The following NPHP4 variants were observed in gnomAD, a reference collection of about 807,000 sequenced individuals.
NPHP4 encodes nephrocystin-4.
Under a neutral mutation model 155.8 loss-of-function variants are expected in NPHP4, and 151 were observed. The ratio of observed to expected loss-of-function variants is 0.97; its 90% CI spans 0.85 to 1.11. The LOEUF (loss-of-function observed/expected upper bound fraction) is 1.11. Ranked by LOEUF, NPHP4 falls within the 50% of genes least tolerant of loss-of-function variation. The probability of loss-of-function intolerance (pLI) is 0.00; values close to 1 mark genes in which losing one functional copy is unlikely to be tolerated. For synonymous variants in NPHP4, 845 were observed against 816.8 expected (o/e 1.03, Z -0.59); for missense variants, 1,956 against 1,925.7 (o/e 1.02, Z -0.29).
At position 5,925,295 on chromosome 1, in the gene NPHP4, T is replaced by C. The variant is rs149784548; in HGVS notation, c.1441+2354A>G. Among the ~76,000 whole-genome samples, 869 of 152,320 alleles carry C rather than the reference T, an allele frequency of 5.7e-3. 10 individuals carry two copies. The highest frequency in any genetic ancestry group is 0.019 in the African/African-American group (773 of 41,576). The stretch of plus-strand genomic sequence containing the variant: ...GATTTACATAGCATTTGCACTGTAT[T>C]AGGTATTGTAAGTAGCCTAAAGATG... On this transcript the variant is annotated intron_variant, in intron 11 of 29. Transcript: ENST00000378156.
At chr1:5,974,552 C>T (rs1653178008) in intron 3 of NPHP4, among the ~76,000 whole-genome samples, 1 of 152,114 alleles carries the variant, frequency 6.6e-6, no homozygotes, top group Non-Finnish European at 1.5e-5. Flanking sequence ...TTCGCTGGCT[C>T]AGAGGAAGTG....
chr1:5,932,434 G>A (rs1301908857), intron 10 of NPHP4, among the ~76,000 whole-genome samples: 1 of 151,980 alleles, frequency 6.6e-6, no homozygotes, highest in East Asian at 1.9e-4. Flanking sequence ...CACTGCAGCC[G>A]AGCAGAAACT....
intron 16 of NPHP4, among the ~76,000 whole-genome samples, chr1:5,897,371 G>A (rs971978283): frequency 3.0e-4 from 45 of 152,282 alleles, no homozygotes; most frequent in Middle Eastern, 3.4e-3. Context: ...AAACCTGGGG[G>A]TGGGCACCTT....
intron 9 of NPHP4, among the ~76,000 whole-genome samples, chr1:5,939,311 C>G (rs1266592655): frequency 6.6e-5 from 10 of 152,190 alleles, no homozygotes; most frequent in Non-Finnish European, 8.8e-5. Context: ...AGCCTTGGTC[C>G]TCTGCAAAAC....
intron 1 of NPHP4, among the ~76,000 whole-genome samples, chr1:5,986,532 G>A (rs1334389488): frequency 6.6e-6 from 1 of 152,056 alleles, no homozygotes; most frequent in Non-Finnish European, 1.5e-5. Context: ...TTTCAAAAAG[G>A]AAAAATAAAC....
At chr1:5,924,934 G>A (rs975958226) in intron 11 of NPHP4, among the ~76,000 whole-genome samples, 38 of 152,170 alleles carry the variant, frequency 2.5e-4, no homozygotes, top group Non-Finnish European at 2.9e-5. Context: ...AGGATTACAT[G>A]CATGAGCCAC....
In NPHP4 at chr1:5,873,954, T is replaced by C. The variant is rs372728225; in HGVS notation, c.3231+517A>G. 3.2e-5 allele frequency: 7 copies of C among 218,114 alleles called. No individual in the cohort carries two copies. In the East Asian group the frequency reaches 1.1e-3, roughly 33 times the overall value. The allele number at this position is 218,114 out of a possible 1,614,324, so 13.5% of individuals were successfully genotyped here. On this transcript the variant is annotated intron_variant, in intron 22 of 29. Coordinates refer to ENST00000378156, the MANE Select transcript of NPHP4 (RefSeq NM_015102.5). ...ACACACACCCTGCATACATGCCTCC[T>C]GCACACACACCTCACATATCGCCCC...
chr1:5,958,856 CAAAA>C (rs397705325), intron 6 of NPHP4, among the ~76,000 whole-genome samples: 1 of 75,898 alleles, frequency 1.3e-5, no homozygotes, highest in Non-Finnish European at 2.2e-5. Context: ...GACCCTGTCT[CAAAA>C]AAAAAAAAAA....
At chr1:5,922,736 CCTGG>C (rs1373093620) in intron 11 of NPHP4, among the ~76,000 whole-genome samples, 2 of 149,714 alleles carry the variant, frequency 1.3e-5, no homozygotes, top group Non-Finnish European at 3.0e-5. Context: ...TGCCTGCAGT[CCTGG>C]CTTAGCCGGG....
intron 20 of NPHP4, 77 bp downstream of exon 20, chr1:5,877,016 G>C: frequency 1.0e-6 from 1 of 978,706 alleles, no homozygotes; most frequent in Non-Finnish European, 1.4e-6. Flanking sequence ...AATCATGTGG[G>C]AGGCAGGGAA....
intron 1 of NPHP4, among the ~76,000 whole-genome samples, chr1:5,989,048 G>T (rs1655883400): frequency 6.6e-6 from 1 of 152,154 alleles, no homozygotes; most frequent in Non-Finnish European, 1.5e-5. Flanking sequence ...CATGTATGGG[G>T]AGAGCTGCTC....
chr1:5,876,063 C>G (rs1199004318), intron 20 of NPHP4: 2 of 152,300 alleles, frequency 1.3e-5, no homozygotes, highest in African/African-American at 4.8e-5. Flanking sequence ...AGGAGTGGAA[C>G]CTCTGACAGG....
rs2100465116 is a variant in NPHP4, at chr1:5,867,698, G to A, written c.3472+42C>T. ...CAAGAGGTATCTACTTCCAACAGGT[G>A]AGCCTGCAACATGTGGGCTGCAGGG... On this transcript the variant is annotated intron_variant, in intron 24 of 29. Transcript: ENST00000378156. This position sits in a 1 kb window ranked among gnomAD's most constrained non-coding sequence, Gnocchi z 4.1. The A allele has an allele frequency of 5.0e-6, 8 of 1,598,094 alleles. No individual in the cohort carries two copies. Among genetic ancestry groups the A allele is most frequent in the Non-Finnish European group, 6.8e-6 (8 of 1,175,110 alleles).
intron 5 of NPHP4, among the ~76,000 whole-genome samples, chr1:5,964,130 A>T (rs1650898336): frequency 6.6e-6 from 1 of 152,224 alleles, no homozygotes; most frequent in Non-Finnish European, 1.5e-5. Flanking sequence ...CTTCTAGACA[A>T]ATTGTAAGGG....
chr1:5,912,537 C>CAAAAAAAAAAAAAAAAAAAAAA (rs752371714), intron 11 of NPHP4, among the ~76,000 whole-genome samples: 1 of 77,894 alleles, frequency 1.3e-5, no homozygotes, highest in African/African-American at 3.9e-5. Context: ...GACTCCGTCT[C>CAAAAAAAAAAAAAAAAAAAAAA]AAAAAAAAAA....
At chr1:5,975,197 C>G (rs548129395) in intron 3 of NPHP4, among the ~76,000 whole-genome samples, 315 of 152,280 alleles carry the variant, frequency 2.1e-3, no homozygotes, top group African/African-American at 6.9e-3. Context: ...CATGGATGTG[C>G]ACACATGTTT....
chr1:5,961,984 C>G, intron 5 of NPHP4, 35 bp from the exon 6 acceptor site: 2 of 1,562,814 alleles, frequency 1.3e-6, no homozygotes, highest in South Asian at 2.3e-5. Flanking sequence ...CAACTGATAG[C>G]TGAAAGCAAA....
rs1377325454 is a variant in NPHP4 at position 5,979,765 on chromosome 1, C to T, written c.136-1352G>A. Among the ~76,000 whole-genome samples the T allele has an allele frequency of 2.6e-5, 4 of 152,160 alleles. No individual in the cohort carries two copies. In the East Asian group the frequency reaches 5.8e-4, roughly 22 times the overall value. ...CTGTCCTCAAGTGACCCGCCCGTCT[C>T]GGCCTCCCAAAGTGCTGGGGTTACA... is the stretch of plus-strand genomic sequence containing the variant. On this transcript the variant is annotated intron_variant, in intron 2 of 29. Transcript: ENST00000378156.
At chr1:5,898,604 TG>T (rs1644513952) in intron 16 of NPHP4, among the ~76,000 whole-genome samples, 1 of 152,242 alleles carries the variant, frequency 6.6e-6, no homozygotes, top group Admixed American at 6.5e-5. Context: ...GGCAAAGGCC[TG>T]GGAAGCTGGA....
Sources: allele counts gnomAD v4.1 joint callset (sites outside exome capture counted in the v4.1 genomes callset), GRCh38; gene constraint gnomAD v4.1.1; non-coding constraint Gnocchi (gnomAD v3.1); transcripts MANE v1.5; gene names NCBI Gene and HGNC (gene_info 2026-07-23, HGNC 2026-07-21).